The following MACO1 variants were observed in gnomAD, a reference collection of about 807,000 sequenced individuals.
The protein encoded by MACO1 is macoilin.
MACO1 carries 14 observed loss-of-function variants against 78.7 expected under a neutral mutation model. The ratio of observed to expected loss-of-function variants is 0.18; its 90% confidence interval spans 0.12 to 0.28. The LOEUF is 0.28. Ranked by LOEUF, MACO1 falls within the 10% of genes least tolerant of loss-of-function variation. The pLI is 1.00. For synonymous variants in MACO1, 288 were observed against 291.6 expected (o/e 0.99, Z 0.12); for missense variants, 501 against 799.0 (o/e 0.63, Z 4.50).
chr1:25,480,566 T>G (rs1302168327), intron 6 of MACO1, among the ~76,000 whole-genome samples: 1 of 152,152 alleles, frequency 6.6e-6, no homozygotes, highest in Admixed American at 6.5e-5. Context: ...AACCACTTCA[T>G]TTTATTTTTG....
intron 6 of MACO1, among the ~76,000 whole-genome samples, chr1:25,470,221 A>G (rs1309877026): frequency 1.3e-5 from 2 of 152,212 alleles, no homozygotes; most frequent in African/African-American, 4.8e-5. Context: ...AGCCACTAGC[A>G]AATTTGGGGG....
chr1:25,451,991 T>C (rs1413450427), intron 3 of MACO1, among the ~76,000 whole-genome samples: 2 of 150,562 alleles, frequency 1.3e-5, no homozygotes, highest in Non-Finnish European at 3.0e-5. Context: ...ATTTTTGATA[T>C]GTTAAATTCA....
chr1:25,465,205 C>A (rs1457232233), intron 6 of MACO1, among the ~76,000 whole-genome samples: 1 of 152,164 alleles, frequency 6.6e-6, no homozygotes, highest in East Asian at 1.9e-4. Context: ...TATCCATTCA[C>A]CTGCTGTAGG....
intron 1 of MACO1, among the ~76,000 whole-genome samples, chr1:25,433,551 A>G (rs950070426): frequency 6.6e-6 from 1 of 152,128 alleles, no homozygotes; most frequent in East Asian, 1.9e-4. Context: ...ACCACTGTCT[A>G]CTGTTTCATA....
At chr1:25,490,106 T>C (rs1354384416) in intron 9 of MACO1, among the ~76,000 whole-genome samples, 1 of 152,024 alleles carries the variant, frequency 6.6e-6, no homozygotes, top group East Asian at 1.9e-4. Context: ...TACTTGACCT[T>C]GAAACAAGGG....
At chr1:25,472,185 C>T (rs1224044694) in intron 6 of MACO1, among the ~76,000 whole-genome samples, 1 of 151,682 alleles carries the variant, frequency 6.6e-6, no homozygotes, top group South Asian at 2.1e-4. Flanking sequence ...AGCTCAGATC[C>T]CACATTAAAA....
intron 5 of MACO1, 132 bp downstream of exon 5, chr1:25,456,963 T>C: frequency 1.2e-6 from 1 of 845,378 alleles, no homozygotes; most frequent in Non-Finnish European, 1.7e-6. Flanking sequence ...CTCAGGGTCA[T>C]TGTTTTATTT....
At chr1:25,491,986 G>A (rs1487516049) in intron 10 of MACO1, among the ~76,000 whole-genome samples, 1 of 152,140 alleles carries the variant, frequency 6.6e-6, no homozygotes, top group Non-Finnish European at 1.5e-5. Flanking sequence ...TGTCTGAGGT[G>A]GGCCTGAATG....
intron 6 of MACO1, among the ~76,000 whole-genome samples, chr1:25,470,936 G>A (rs1002034830): frequency 6.6e-5 from 10 of 152,138 alleles, no homozygotes; most frequent in Middle Eastern, 3.2e-3. Context: ...GCTGAGGCAC[G>A]AGAATCACTT....
intron 6 of MACO1, among the ~76,000 whole-genome samples, chr1:25,472,789 C>T (rs1400061054): frequency 1.3e-5 from 2 of 152,184 alleles, no homozygotes; most frequent in African/African-American, 2.4e-5. Flanking sequence ...ACCTGCTTGA[C>T]CCCTCCCTGA....
chr1:25,467,432 T>TA (rs2043229476), intron 6 of MACO1, among the ~76,000 whole-genome samples: 1 of 152,168 alleles, frequency 6.6e-6, no homozygotes. Context: ...CGGCAATTGT[T>TA]ACTTCTTTCA....
intron 1 of MACO1, among the ~76,000 whole-genome samples, chr1:25,440,767 CAAAAAAA>C (rs71815906): frequency 1.9e-5 from 2 of 107,138 alleles, no homozygotes; most frequent in East Asian, 3.4e-4. Context: ...GACTCCATCT[CAAAAAAA>C]AAAAAAAAAA....
At chr1:25,487,692 A>G (rs2043446194) in intron 8 of MACO1, among the ~76,000 whole-genome samples, 1 of 152,220 alleles carries the variant, frequency 6.6e-6, no homozygotes. Context: ...TTATGACAAG[A>G]AAGACAAAAG....
chr1:25,484,397 G>T, intron 7 of MACO1, 123 bp downstream of exon 7: 1 of 960,752 alleles, frequency 1.0e-6, no homozygotes, highest in Non-Finnish European at 1.5e-6. Flanking sequence ...TAAATAAAAT[G>T]TTTAAAATAC....
chr1:25,498,190 A>T (rs1453542015), intron 10 of MACO1, 74 bp from the exon 11 acceptor site: 1 of 1,495,096 alleles, frequency 6.7e-7, no homozygotes, highest in Non-Finnish European at 9.2e-7. Context: ...GAATCTACTT[A>T]GGGATTGGCC....
intron 1 of MACO1, among the ~76,000 whole-genome samples, chr1:25,433,180 G>A (rs138290927): frequency 2.6e-5 from 4 of 152,096 alleles, no homozygotes; most frequent in African/African-American, 9.6e-5. Flanking sequence ...GTCTTTCCTG[G>A]TTGGAGTATC....
intron 8 of MACO1, among the ~76,000 whole-genome samples, chr1:25,488,198 T>C (rs2043452088): frequency 6.6e-6 from 1 of 152,172 alleles, no homozygotes; most frequent in African/African-American, 2.4e-5. Context: ...ACTACAGGCA[T>C]GTGCTACTAT....
At chr1:25,481,352 A>C (rs1198817057) in intron 6 of MACO1, among the ~76,000 whole-genome samples, 2 of 152,174 alleles carry the variant, frequency 1.3e-5, no homozygotes, top group African/African-American at 4.8e-5. Flanking sequence ...ATCCTAGCCC[A>C]AACTGGGAGG....
chr1:25,497,481 T>A (rs2124616591), intron 10 of MACO1, among the ~76,000 whole-genome samples: 1 of 152,092 alleles, frequency 6.6e-6, no homozygotes, highest in South Asian at 2.1e-4. Flanking sequence ...CCTCAAGATT[T>A]AGCTAGCTTC....
Sources: gnomAD v4.1 joint callset for allele counts (sites outside exome capture counted in the v4.1 genomes callset) on GRCh38, gnomAD v4.1.1 for gene constraint, MANE v1.5 for transcripts, NCBI Gene and HGNC (gene_info 2026-07-23, HGNC 2026-07-21) for gene names.